The following CALD1 variants were observed in gnomAD, a reference collection of about 807,000 sequenced individuals.
CALD1 encodes the protein caldesmon.
In CALD1, 33 loss-of-function variants were observed where a neutral mutation model predicts 99.9. The ratio of observed to expected loss-of-function variants is 0.33; its 90% CI spans 0.25 to 0.44. The LOEUF (loss-of-function observed/expected upper bound fraction) is 0.44. Ranked by LOEUF, CALD1 falls within the 20% of genes least tolerant of loss-of-function variation. The probability of loss-of-function intolerance (pLI) is 1.00; values close to 1 mark genes in which losing one functional copy is unlikely to be tolerated. For synonymous variants in CALD1, 310 were observed against 325.0 expected (o/e 0.95, Z 0.50); for missense variants, 861 against 962.1 (o/e 0.89, Z 1.39).
At chr7:134,800,391 T>C (rs898959084) in intron 1 of CALD1, among the ~76,000 whole-genome samples, 3 of 152,078 alleles carry the variant, frequency 2.0e-5, no homozygotes, top group East Asian at 3.8e-4. Context: ...CCCATAATGA[T>C]TGTGGATCTA....
intron 9 of CALD1, among the ~76,000 whole-genome samples, chr7:134,955,885 A>T (rs1374050425): frequency 1.3e-5 from 2 of 152,162 alleles, no homozygotes; most frequent in Non-Finnish European, 2.9e-5. Flanking sequence ...AGGGATAAAA[A>T]TAGGATAGAT....
At position 134,932,982 on chromosome 7, in the gene CALD1, G is replaced by A; in HGVS notation, c.219-6G>A. The A allele has an allele frequency of 3.1e-6, 5 of 1,592,314 alleles. No individual in the cohort carries two copies. Among genetic ancestry groups the A allele is most frequent in the Non-Finnish European group, 4.3e-6 (5 of 1,166,590 alleles). ...TGTCTTTGGTGTTGTTCTTTCTGTT[G>A]TACAGTGTGCCTGACGAGGAGGCCA... On this transcript the variant is annotated splice_region_variant and splice_polypyrimidine_tract_variant and intron_variant, in intron 4 of 14. Transcript: ENST00000361675.
At chr7:134,891,538 G>A (rs994620526) in intron 3 of CALD1, 9 of 1,530,044 alleles carry the variant, frequency 5.9e-6, no homozygotes, top group African/African-American at 2.8e-5. Context: ...TGGCCCCTCC[G>A]CGGGCCCAGC....
intron 8 of CALD1, among the ~76,000 whole-genome samples, chr7:134,950,008 CT>C (rs2133149196): frequency 6.6e-6 from 1 of 152,292 alleles, no homozygotes; most frequent in African/African-American, 2.4e-5. Context: ...GATGTGGCCC[CT>C]GGGCCATGGG....
Position 134,933,045 on chromosome 7 carries a change from T to C in CALD1, c.276T>C (p.Asp92=), listed in dbSNP as rs1586350308. The C allele has an allele frequency of 6.2e-7, 1 of 1,613,702 alleles. No homozygotes were observed. The highest frequency in any genetic ancestry group is 8.5e-7 in the Non-Finnish European group (1 of 1,179,894). The change falls in exon 5 of 15, where the codon GAT becomes GAC. Residue 92 remains aspartate, a synonymous_variant. Transcript: ENST00000361675. ...CAAACACTCAAGTGGAAGGGGATGA[T>C]GAGGCCGCATTCCTGGAGCGCCTGG... ...TTTNTQVEGD[D]EAAFLERLAR... is the part of the protein sequence containing the mutation.
At chr7:134,951,937 T>C (rs956147260) in intron 9 of CALD1, among the ~76,000 whole-genome samples, 4 of 152,214 alleles carry the variant, frequency 2.6e-5, no homozygotes, top group Non-Finnish European at 4.4e-5. Flanking sequence ...TTGGGACTTT[T>C]AACATTTCAT....
intron 1 of CALD1, among the ~76,000 whole-genome samples, chr7:134,805,535 C>G (rs1209851208): frequency 1.3e-5 from 2 of 152,260 alleles, no homozygotes; most frequent in African/African-American, 4.8e-5. Flanking sequence ...CCTGCCTTAT[C>G]TGAGTTTTCT....
chr7:134,740,254 G>T (rs1022530107), upstream of CALD1, among the ~76,000 whole-genome samples: 4 of 152,068 alleles, frequency 2.6e-5, no homozygotes, highest in African/African-American at 9.7e-5. Flanking sequence ...TGAGGAAGTA[G>T]TAGGTATGCT....
At position 134,810,933 on chromosome 7, in the gene CALD1, CT is replaced by C. The variant is rs528944367; in HGVS notation, c.-130+31186del. 2.0e-3 allele frequency among the ~76,000 whole-genome samples: 303 copies of C among 152,264 alleles called. 1 individual carries two copies. The highest frequency in any genetic ancestry group is 7.2e-3 in the African/African-American group (298 of 41,552). Reference sequence around the variant, plus strand: ...CAGCCAGGCAAATTGTTTCATTGGTCTTGGATGCTTTTCCATTCACTCTGTA... The same window carrying C: ...CAGCCAGGCAAATTGTTTCATTGGTCTGGATGCTTTTCCATTCACTCTGTA... On this transcript the variant is annotated intron_variant, in intron 1 of 14. Transcript: ENST00000361675.
At chr7:134,861,617 A>T (rs1291089279) in intron 2 of CALD1, among the ~76,000 whole-genome samples, 1 of 152,204 alleles carries the variant, frequency 6.6e-6, no homozygotes, top group Non-Finnish European at 1.5e-5. Context: ...GAAGGCAAAG[A>T]CCTTTTCTGT....
upstream of CALD1, among the ~76,000 whole-genome samples, chr7:134,741,595 T>G (rs897432783): frequency 1.3e-5 from 2 of 152,124 alleles, no homozygotes; most frequent in African/African-American, 4.8e-5. Context: ...AGTTACTCCC[T>G]GTACAGGGAG....
At chr7:134,854,933 T>C (rs1800234040) in intron 2 of CALD1, among the ~76,000 whole-genome samples, 1 of 152,198 alleles carries the variant, frequency 6.6e-6, no homozygotes, top group South Asian at 2.1e-4. Flanking sequence ...CTCGTGATAC[T>C]GAGTGAGTTC....
intron 1 of CALD1, among the ~76,000 whole-genome samples, chr7:134,781,833 A>G (rs1024950568): frequency 6.6e-6 from 1 of 152,238 alleles, no homozygotes; most frequent in Non-Finnish European, 1.5e-5. Context: ...AAGTTAGGAG[A>G]AGGAGAACCA....
chr7:134,764,982 G>T (rs567980496), intron 1 of CALD1, among the ~76,000 whole-genome samples: 42 of 152,304 alleles, frequency 2.8e-4, no homozygotes, highest in Non-Finnish European at 5.7e-4. Context: ...GTAGTAAGAT[G>T]ATATTGAAGG....
At chr7:134,883,507 T>C (rs981002895) in intron 3 of CALD1, among the ~76,000 whole-genome samples, 4 of 152,204 alleles carry the variant, frequency 2.6e-5, no homozygotes, top group Non-Finnish European at 5.9e-5. Context: ...AGGCTGGTGG[T>C]TATTCTATAA....
chr7:134,929,402 T>C (rs1057225727), intron 4 of CALD1, among the ~76,000 whole-genome samples: 1 of 151,154 alleles, frequency 6.6e-6, no homozygotes, highest in Non-Finnish European at 1.5e-5. Context: ...CCCTCCTACC[T>C]TTCTCCCCGA....
chr7:134,802,682 T>A (rs1338368904), intron 1 of CALD1, among the ~76,000 whole-genome samples: 1 of 152,240 alleles, frequency 6.6e-6, no homozygotes, highest in Non-Finnish European at 1.5e-5. Context: ...TGGGCTAAAT[T>A]ATCTAACACA....
intron 1 of CALD1, among the ~76,000 whole-genome samples, chr7:134,791,839 C>A (rs1797547106): frequency 1.3e-5 from 2 of 152,156 alleles, no homozygotes; most frequent in Admixed American, 1.3e-4. Context: ...GGAGGCCTCA[C>A]AATCATGGCG....
Position 134,950,484 on chromosome 7 carries a change from G to A in CALD1, c.1905G>A (p.Lys635=). The change falls in exon 9 of 15, where the codon AAG becomes AAA. Residue 635 remains lysine, a synonymous_variant. Coordinates refer to ENST00000361675, the MANE Select transcript of CALD1 (RefSeq NM_033138.4). ...TGTCAGATGACAAGAAACCATTCAA[G>A]TGTTTCACTCCTAAAGGTTCATCTC... ...DGLSDDKKPF[K]CFTPKGSSLK... 1.9e-6 allele frequency: 3 copies of A among 1,614,116 alleles called. No individual in the cohort carries two copies. Among genetic ancestry groups the A allele is most frequent in the Non-Finnish European group, 2.5e-6 (3 of 1,179,948 alleles).
Sources: gnomAD v4.1 joint callset for allele counts (sites outside exome capture counted in the v4.1 genomes callset) on GRCh38, gnomAD v4.1.1 for gene constraint, MANE v1.5 for transcripts, NCBI Gene and HGNC (gene_info 2026-07-23, HGNC 2026-07-21) for gene names.